Variants in GRIN2A observed in about 807,000 individuals in gnomAD.
GRIN2A encodes glutamate receptor ionotropic, NMDA 2A.
A neutral mutation model predicts 113.4 loss-of-function variants in GRIN2A; 22 were observed. The ratio of observed to expected loss-of-function variants is 0.19; its 90% CI spans 0.14 to 0.28. The LOEUF is 0.28. Ranked by LOEUF, GRIN2A falls within the 10% of genes least tolerant of loss-of-function variation. GRIN2A has a pLI of 1.00. For missense variants in GRIN2A, 1,502 were observed against 1,887.0 expected, an observed-to-expected ratio of 0.80 and a Z score of 3.78; for synonymous variants, 827 against 738.4, an observed-to-expected ratio of 1.12 and a Z score of -1.94.
intron 3 of GRIN2A, among the ~76,000 whole-genome samples, chr16:9,894,617 G>A: frequency 6.6e-6 from 1 of 152,156 alleles, no homozygotes; most frequent in Non-Finnish European, 1.5e-5. Flanking sequence ...GAGAACTGGA[G>A]TCAAATTCCT....
intron 2 of GRIN2A, among the ~76,000 whole-genome samples, chr16:9,970,068 A>T (rs2045640497): frequency 6.6e-6 from 1 of 152,248 alleles, no homozygotes. Context: ...CTTGACGTCA[A>T]AGAAATCTCG....
intron 2 of GRIN2A, among the ~76,000 whole-genome samples, chr16:10,088,549 C>G (rs150629569): frequency 6.6e-6 from 1 of 152,178 alleles, no homozygotes; most frequent in Non-Finnish European, 1.5e-5. Context: ...ATCCTGGGGC[C>G]GCGGGCTGTC....
chr16:10,034,063 G>T (rs554450422), intron 2 of GRIN2A, among the ~76,000 whole-genome samples: 1 of 152,144 alleles, frequency 6.6e-6, no homozygotes, highest in Non-Finnish European at 1.5e-5. Context: ...ACAGAGCCTT[G>T]GCAGAGATTA....
Position 9,921,886 on chromosome 16 carries a change from G to A in GRIN2A, c.1007+16073C>T, listed in dbSNP as rs138734543. 1.4e-4 allele frequency among the ~76,000 whole-genome samples: 22 copies of A among 152,280 alleles called. No individual in the cohort carries two copies. The East Asian group carries it at 4.2e-3, about 29-fold the overall frequency. ...AGCCAGACAGCAAAACATTAACCCT[G>A]TCTCTTTGGGGCCTCAATTTCCTCA... is the stretch of plus-strand genomic sequence containing the variant. On this transcript the variant is annotated intron_variant, in intron 3 of 12. Coordinates refer to ENST00000330684, the MANE Select transcript of GRIN2A (RefSeq NM_001134407.3).
At chr16:10,072,946 CTTTT>C (rs34432023) in intron 2 of GRIN2A, among the ~76,000 whole-genome samples, 5,187 of 104,228 alleles carry the variant, frequency 0.05, 175 homozygotes, top group African/African-American at 0.13. Context: ...ACAAGACCCC[CTTTT>C]TTTTTTTTTT....
At chr16:9,803,799 A>C (rs1036222497) in intron 10 of GRIN2A, among the ~76,000 whole-genome samples, 9 of 152,208 alleles carry the variant, frequency 5.9e-5, no homozygotes, top group Admixed American at 2.6e-4. Context: ...ATGCAGTCTG[A>C]CACCAAAGAC....
intron 2 of GRIN2A, among the ~76,000 whole-genome samples, chr16:9,971,890 G>T (rs962027149): frequency 6.6e-6 from 1 of 152,162 alleles, no homozygotes; most frequent in Non-Finnish European, 1.5e-5. Context: ...AAACATGGAA[G>T]AAGGGCTCAT....
chr16:10,001,084 C>T (rs555900261), intron 2 of GRIN2A, among the ~76,000 whole-genome samples: 5 of 152,274 alleles, frequency 3.3e-5, no homozygotes, highest in South Asian at 2.1e-4. Flanking sequence ...CTACCTTACC[C>T]GTGGGCCCCA....
At chr16:10,078,605 C>G (rs149643576) in intron 2 of GRIN2A, among the ~76,000 whole-genome samples, 68 of 152,256 alleles carry the variant, frequency 4.5e-4, no homozygotes, top group Admixed American at 9.8e-4. Context: ...AGTCATGTCC[C>G]CATGGAGAAT....
intron 2 of GRIN2A, among the ~76,000 whole-genome samples, chr16:10,048,969 C>T (rs1167867167): frequency 6.6e-6 from 1 of 152,172 alleles, no homozygotes; most frequent in African/African-American, 2.4e-5. Flanking sequence ...CCAGCCCCTG[C>T]CCATTCATGC....
At chr16:9,885,427 G>A (rs923480919) in intron 4 of GRIN2A, among the ~76,000 whole-genome samples, 4 of 152,180 alleles carry the variant, frequency 2.6e-5, no homozygotes, top group Middle Eastern at 3.2e-3. Context: ...TGGAAGTCCC[G>A]ATTTGTGAGA....
chr16:9,909,491 G>T (rs1180730008), intron 3 of GRIN2A, among the ~76,000 whole-genome samples: 1 of 152,168 alleles, frequency 6.6e-6, no homozygotes, highest in Non-Finnish European at 1.5e-5. Flanking sequence ...ACTGAAATGT[G>T]GATAGTGTGA....
At chr16:10,106,237 A>G (rs1430233352) in intron 2 of GRIN2A, among the ~76,000 whole-genome samples, 1 of 128,382 alleles carries the variant, frequency 7.8e-6, no homozygotes, top group Non-Finnish European at 1.7e-5. Context: ...TTTATCTTTC[A>G]TTCCTGTTCA....
chr16:10,135,323 G>T (rs2049169313), intron 2 of GRIN2A, among the ~76,000 whole-genome samples: 1 of 152,166 alleles, frequency 6.6e-6, no homozygotes, highest in Non-Finnish European at 1.5e-5. Context: ...TCCACCAAAA[G>T]TCTGTTCATG....
chr16:9,828,953 G>A (rs2042436868), intron 9 of GRIN2A, among the ~76,000 whole-genome samples: 1 of 152,176 alleles, frequency 6.6e-6, no homozygotes, highest in Admixed American at 6.5e-5. Context: ...GAAAAGAGGA[G>A]CTGTCAGATA....
intron 11 of GRIN2A, among the ~76,000 whole-genome samples, chr16:9,789,051 C>A (rs994069665): frequency 6.6e-6 from 1 of 152,144 alleles, no homozygotes; most frequent in Non-Finnish European, 1.5e-5. Flanking sequence ...CTTCTCTGCC[C>A]TTCTTATCTG....
At chr16:9,931,303 TATA>T (rs768518308) in intron 3 of GRIN2A, among the ~76,000 whole-genome samples, 6 of 152,168 alleles carry the variant, frequency 3.9e-5, no homozygotes, top group Non-Finnish European at 7.3e-5. Context: ...AGTATAAAGT[TATA>T]ATAATGATGA....
In GRIN2A at chr16:9,760,991, C is replaced by G. The variant is rs1186065319; in HGVS notation, c.*2158G>C. On this transcript the variant is annotated 3_prime_UTR_variant, in exon 13 of 13. Transcript: ENST00000330684. ...GATCCAGGCTTCTCCATGGCTGGGT[C>G]TTGGGGCAGCAGAGGTACAGCATCC... 4.3e-6 allele frequency: 1 copy of G among 232,326 alleles called. No homozygotes were observed. The highest frequency in any genetic ancestry group is 8.5e-6 in the Non-Finnish European group (1 of 117,592). The allele number at this position is 232,326 out of a possible 1,614,324, so 14.4% of individuals were successfully genotyped here. A position where few individuals can be genotyped will look rare whatever the true frequency, so the allele number is the denominator to read the frequency against.
intron 2 of GRIN2A, among the ~76,000 whole-genome samples, chr16:10,114,381 A>G (rs2048687677): frequency 6.6e-6 from 1 of 152,186 alleles, no homozygotes; most frequent in African/African-American, 2.4e-5. Context: ...GGGTAAAGCC[A>G]AAAGGACCCC....
Sources: allele counts gnomAD v4.1 joint callset (sites outside exome capture counted in the v4.1 genomes callset), GRCh38; gene constraint gnomAD v4.1.1; transcripts MANE v1.5; gene names NCBI Gene and HGNC (gene_info 2026-07-23, HGNC 2026-07-21).